VCPKMT: variants seen among roughly 807,000 people sequenced by gnomAD.
VCPKMT encodes the protein protein N-lysine methyltransferase METTL21D.
In VCPKMT, 32 loss-of-function variants were observed where a neutral mutation model predicts 28.6. That is an observed-to-expected ratio of 1.12 (90% CI 0.84 to 1.50). The LOEUF (loss-of-function observed/expected upper bound fraction) is 1.50, where lower values mean the gene tolerates loss of function less well. VCPKMT is among the 40% of genes most tolerant of loss of function. The probability of loss-of-function intolerance (pLI) is 0.00; values close to 1 mark genes in which losing one functional copy is unlikely to be tolerated. For synonymous variants in VCPKMT, 138 were observed against 111.4 expected (o/e 1.24, Z -1.50); for missense variants, 366 against 285.0 (o/e 1.28, Z -2.05).
chr14:50,108,794 CAG>C lies in VCPKMT; in HGVS notation c.*903_*904del, dbSNP rs1220892533. 12 of 985,458 alleles carry C rather than the reference CAG, an allele frequency of 1.2e-5. No homozygotes were observed. The highest frequency in any genetic ancestry group is 1.1e-4 in the East Asian group (1 of 8,836). 61.0% of individuals were successfully genotyped at this position (985,458 alleles called of 1,614,324 possible). A position where few individuals can be genotyped will look rare whatever the true frequency, so the allele number is the denominator to read the frequency against. ...GAGCGAATGGCTTCATAACATAAAACAGAGAGACACAGAACAGAAATTCATTT... is the reference window on the plus strand; with the variant it reads ...GAGCGAATGGCTTCATAACATAAAACAGAGACACAGAACAGAAATTCATTT... On this transcript the variant is annotated 3_prime_UTR_variant, in exon 6 of 6. Transcript: ENST00000395860.
intron 5 of VCPKMT, chr14:50,111,109 G>A: frequency 1.1e-6 from 1 of 869,686 alleles, no homozygotes; most frequent in Non-Finnish European, 1.4e-6. Flanking sequence ...CCACCAAATT[G>A]TACACCTTAA....
downstream of VCPKMT, among the ~76,000 whole-genome samples, chr14:50,105,268 GAA>G (rs1331164923): frequency 6.6e-6 from 1 of 152,092 alleles, no homozygotes; most frequent in African/African-American, 2.4e-5. Context: ...AGAAAGGTAA[GAA>G]AAAATTAAAA....
chr14:50,111,232 C>T (rs1240020090), intron 5 of VCPKMT: 2 of 984,560 alleles, frequency 2.0e-6, no homozygotes, highest in African/African-American at 1.8e-5. Flanking sequence ...ATCTTTCTGC[C>T]TCCAAAAAAT....
intron 3 of VCPKMT, among the ~76,000 whole-genome samples, chr14:50,115,075 C>T (rs893768537): frequency 3.3e-5 from 5 of 151,488 alleles, no homozygotes; most frequent in African/African-American, 1.2e-4. Flanking sequence ...AAAGTTAAAT[C>T]TGACCCTAAC....
rs35593820 is a variant in VCPKMT at position 50,111,885 on chromosome 14, T to C, written c.675+730A>G. 1.3e-3 allele frequency: 1,286 copies of C among 980,058 alleles called. 1 individual carries two copies. Among genetic ancestry groups the C allele is most frequent in the Non-Finnish European group, 1.3e-3 (1,105 of 825,182 alleles). The allele number at this position is 980,058 out of a possible 1,614,324, so 60.7% of individuals were successfully genotyped here. On this transcript the variant is annotated intron_variant, in intron 5 of 5. Coordinates refer to ENST00000395860, the MANE Select transcript of VCPKMT (RefSeq NM_024558.3). Reference sequence around the variant, plus strand: ...GCCTGGATGACAGAGTGAGACCCTATTTCAAAAAAAAAAAAGGATGAAGTA... The same window carrying C: ...GCCTGGATGACAGAGTGAGACCCTACTTCAAAAAAAAAAAAGGATGAAGTA...
At chr14:50,108,113 T>G (rs1319293251), downstream of VCPKMT, among the ~76,000 whole-genome samples, 1 of 140,342 alleles carries the variant, frequency 7.1e-6, no homozygotes, top group Non-Finnish European at 1.5e-5. Flanking sequence ...CACCCAAGCC[T>G]GGGAAGAGTA....
At chr14:50,110,349 C>T (rs1416099134) in intron 5 of VCPKMT, among the ~76,000 whole-genome samples, 5 of 152,150 alleles carry the variant, frequency 3.3e-5, no homozygotes, top group Non-Finnish European at 5.9e-5. Context: ...ACAAATAATG[C>T]ATCTGTAAGT....
At chr14:50,113,751 C>G (rs1220364315) in intron 4 of VCPKMT, among the ~76,000 whole-genome samples, 3 of 127,308 alleles carry the variant, frequency 2.4e-5, no homozygotes, top group African/African-American at 9.1e-5. Context: ...AAAAAGTTAG[C>G]CGGGTGTGGT....
chr14:50,109,576 C>G lies in VCPKMT; in HGVS notation c.*123G>C. On this transcript the variant is annotated 3_prime_UTR_variant, in exon 6 of 6. Coordinates refer to ENST00000395860, the MANE Select transcript of VCPKMT (RefSeq NM_024558.3). ...GGTGGTCATCATCTATACATCGGAT[C>G]TCTAAGGACGTGCCGGAAAAAAAAA... The G allele has an allele frequency of 7.0e-7, 1 of 1,430,832 alleles. No homozygotes were observed. The allele number at this position is 1,430,832 out of a possible 1,614,324, so 88.6% of individuals were successfully genotyped here.
At chr14:50,115,727 TA>T in intron 3 of VCPKMT, 111 bp downstream of exon 3, 1 of 1,279,996 alleles carries the variant, frequency 7.8e-7, no homozygotes, top group Non-Finnish European at 1.1e-6. Context: ...GCATCAACTA[TA>T]AGGCAAATCC....
At chr14:50,109,823 G>A (rs556751552) in intron 5 of VCPKMT, 110 bp from the exon 6 acceptor site, 44 of 1,265,864 alleles carry the variant, frequency 3.5e-5, no homozygotes, top group African/African-American at 7.7e-5. Flanking sequence ...TAGTATAACA[G>A]TGGCTACATG....
downstream of VCPKMT, among the ~76,000 whole-genome samples, chr14:50,106,778 C>T (rs1335519594): frequency 6.6e-6 from 1 of 152,128 alleles, no homozygotes; most frequent in African/African-American, 2.4e-5. Flanking sequence ...TGCAGTGGTG[C>T]AATCATGGCT....
downstream of VCPKMT, among the ~76,000 whole-genome samples, chr14:50,104,941 G>C (rs1882272912): frequency 6.6e-6 from 1 of 151,930 alleles, no homozygotes; most frequent in African/African-American, 2.4e-5. Context: ...ATATCAGAAA[G>C]AAACAGAAAG....
At chr14:50,112,016 A>G in intron 5 of VCPKMT, 1 of 985,314 alleles carries the variant, frequency 1.0e-6, no homozygotes, top group Non-Finnish European at 1.2e-6. Flanking sequence ...AAGCGGGAAA[A>G]TACATAAATT....
In VCPKMT at chr14:50,116,471, G is replaced by C. The variant is rs1223249877; in HGVS notation, c.82C>G (p.Leu28Val). The change falls in exon 1 of 6, where the codon CTA (leucine) becomes GTA (valine). Residue 28 changes from leucine to valine, a missense_variant. Transcript: ENST00000395860. ...RVLEKRDGTV[L>V]RLQQYSSGGV... ...CCGGAGCTATACTGCTGTAGTCGTAGCACTGTACCATCCCGCTTCTCCAAA... is the reference window on the plus strand; with the variant it reads ...CCGGAGCTATACTGCTGTAGTCGTACCACTGTACCATCCCGCTTCTCCAAA... 1 of 1,614,012 alleles carries C rather than the reference G, an allele frequency of 6.2e-7. No homozygotes were observed.
chr14:50,106,770 C>T (rs1407979941), downstream of VCPKMT: 1 of 369,562 alleles, frequency 2.7e-6, no homozygotes, highest in African/African-American at 2.2e-5. Context: ...GGCTGGAGTG[C>T]AGTGGTGCAA....
intron 3 of VCPKMT, 148 bp from the exon 4 acceptor site, chr14:50,114,552 T>C (rs1882965853): frequency 3.7e-6 from 2 of 537,852 alleles, no homozygotes; most frequent in South Asian, 4.2e-5. Context: ...ATTAAAGCTC[T>C]AGGCTAGGTG....
chr14:50,105,055 G>A (rs1378114788), downstream of VCPKMT, among the ~76,000 whole-genome samples: 3 of 151,060 alleles, frequency 2.0e-5, no homozygotes, highest in East Asian at 5.8e-4. Context: ...ATCTAATTTC[G>A]TTCACCTTTA....
Position 50,116,317 on chromosome 14 carries a change from C to A in VCPKMT, c.236G>T (p.Gly79Val). 3.7e-6 allele frequency: 6 copies of A among 1,609,008 alleles called. No homozygotes were observed. The highest frequency in any genetic ancestry group is 5.1e-6 in the Non-Finnish European group (6 of 1,177,750). Reference sequence around the variant, plus strand: ...GGTAGCAGCCATGAGCCCCACGGCCCCGGTGCCCGAACCCAGCTCCAGCAC... The same window carrying A: ...GGTAGCAGCCATGAGCCCCACGGCCACGGTGCCCGAACCCAGCTCCAGCAC... Reference protein sequence around the residue: ...RSVLELGSGTGAVGLMAATLG... With the variant: ...RSVLELGSGTVAVGLMAATLG... Residue 79 changes from glycine to valine, a missense_variant, in exon 1 of 6, where the codon GGG (glycine) becomes GTG (valine). Coordinates refer to ENST00000395860, the MANE Select transcript of VCPKMT (RefSeq NM_024558.3).
Sources: gnomAD v4.1 joint callset for allele counts (sites outside exome capture counted in the v4.1 genomes callset) on GRCh38, gnomAD v4.1.1 for gene constraint, MANE v1.5 for transcripts, NCBI Gene and HGNC (gene_info 2026-07-23, HGNC 2026-07-21) for gene names.